The following TMEM132B variants were observed in gnomAD, a reference collection of about 807,000 sequenced individuals.
TMEM132B encodes transmembrane protein 132B.
Under a neutral mutation model 90.8 loss-of-function variants are expected in TMEM132B, and 18 were observed. The ratio of observed to expected loss-of-function variants is 0.20; its 90% confidence interval spans 0.14 to 0.29. TMEM132B has a LOEUF of 0.29. TMEM132B is among the 10% of genes least tolerant of loss of function. TMEM132B has a pLI of 1.00. For missense variants in TMEM132B, 1,096 were observed against 1,326.8 expected (o/e 0.83, Z 2.70); for synonymous variants, 504 against 523.3 (o/e 0.96, Z 0.50).
intron 2 of TMEM132B, among the ~76,000 whole-genome samples, chr12:125,357,118 T>C (rs962243152): frequency 1.3e-5 from 2 of 152,226 alleles, no homozygotes; most frequent in Admixed American, 6.5e-5. Context: ...TGTGAGGCAT[T>C]GTTCCCAGAT....
At chr12:125,607,682 T>C (rs534282070) in intron 5 of TMEM132B, among the ~76,000 whole-genome samples, 1 of 152,310 alleles carries the variant, frequency 6.6e-6, no homozygotes, top group South Asian at 2.1e-4. Flanking sequence ...TAAAGTCAGC[T>C]CTATTACCAC....
chr12:125,584,240 AGAATT>A, intron 5 of TMEM132B: 1 of 524,310 alleles, frequency 1.9e-6, no homozygotes, highest in Non-Finnish European at 3.4e-6. Flanking sequence ...TCCAGCAGAA[AGAATT>A]TATTCTCCTC....
At chr12:125,188,935 G>A (rs1302379860) in intron 1 of TMEM132B, among the ~76,000 whole-genome samples, 1 of 151,854 alleles carries the variant, frequency 6.6e-6, no homozygotes, top group African/African-American at 2.4e-5. Flanking sequence ...AGGTTCAGAG[G>A]AATTAACCAG....
rs141580198 is a variant in TMEM132B, at chr12:125,274,169, T to A, written c.68-75283T>A. Among the ~76,000 whole-genome samples, 738 of 152,292 alleles carry A rather than the reference T, an allele frequency of 4.8e-3. 3 individuals carry two copies. Among genetic ancestry groups the A allele is most frequent in the African/African-American group, 0.013 (551 of 41,552 alleles). ...GGTGTCCTTTGGTGCCGCCCCTCTTTCACTAAACATTGCATTTGGGAGACT... is the reference window on the plus strand; with the variant it reads ...GGTGTCCTTTGGTGCCGCCCCTCTTACACTAAACATTGCATTTGGGAGACT... On this transcript the variant is annotated intron_variant, in intron 1 of 8. Transcript: ENST00000682704.
chr12:125,470,583 C>A (rs1478291634), intron 3 of TMEM132B, among the ~76,000 whole-genome samples: 1 of 152,156 alleles, frequency 6.6e-6, no homozygotes, highest in African/African-American at 2.4e-5. Flanking sequence ...TCCACTAAAC[C>A]CAGTTTCTTT....
intron 4 of TMEM132B, among the ~76,000 whole-genome samples, chr12:125,566,698 A>T (rs773094018): frequency 6.6e-6 from 1 of 152,202 alleles, no homozygotes; most frequent in Admixed American, 6.5e-5. Context: ...TTGGAATGGC[A>T]GGTCCCACTG....
chr12:125,544,816 C>A (rs1284183007), intron 4 of TMEM132B, among the ~76,000 whole-genome samples: 2 of 152,102 alleles, frequency 1.3e-5, no homozygotes, highest in East Asian at 1.9e-4. Flanking sequence ...AAAAAAGTGA[C>A]CCTGAATGAA....
chr12:125,391,840 C>T (rs1202705918), intron 2 of TMEM132B, among the ~76,000 whole-genome samples: 1 of 152,084 alleles, frequency 6.6e-6, no homozygotes, highest in Non-Finnish European at 1.5e-5. Flanking sequence ...GATCTCAACT[C>T]ACTGCAGCCT....
rs146376506 is a variant in TMEM132B at position 125,630,442 on chromosome 12, C to A, written c.1438-13634C>A. ...ATTTATGTATAGTTGCTTATGGTAG[C>A]CACTAATAATCCTTTGAATATCTGC... On this transcript the variant is annotated intron_variant, in intron 5 of 8. Transcript: ENST00000682704. Among the ~76,000 whole-genome samples, 16 of 152,014 alleles carry A rather than the reference C, an allele frequency of 1.1e-4. No homozygotes were observed. In the East Asian group the frequency reaches 3.1e-3, roughly 29 times the overall value.
At position 125,554,689 on chromosome 12, in the gene TMEM132B, A is replaced by G. The variant is rs536371595; in HGVS notation, c.1294-29162A>G. Among the ~76,000 whole-genome samples, 18 of 152,216 alleles carry G rather than the reference A, an allele frequency of 1.2e-4. No individual in the cohort carries two copies. The South Asian group carries it at 3.7e-3, about 32-fold the overall frequency. On this transcript the variant is annotated intron_variant, in intron 4 of 8. Transcript: ENST00000682704. Reference sequence around the variant, plus strand: ...TGGAACTTTTCTTCCCCTCAGTTACAACCACTTTTCTCATTTATGTTGCTG... The same window carrying G: ...TGGAACTTTTCTTCCCCTCAGTTACGACCACTTTTCTCATTTATGTTGCTG...
chr12:125,530,112 A>G (rs1001725044), intron 4 of TMEM132B, among the ~76,000 whole-genome samples: 1 of 152,312 alleles, frequency 6.6e-6, no homozygotes, highest in Non-Finnish European at 1.5e-5. Context: ...AACAAATGGC[A>G]TTATGTTGAG....
chr12:125,415,582 G>C lies in TMEM132B; in HGVS notation c.1011G>C (p.Glu337Asp). Residue 337 changes from glutamate (E) to aspartate (D), a missense_variant, in exon 3 of 9, where the codon GAG becomes GAC. Transcript: ENST00000682704. This position sits in a 1 kb window ranked among gnomAD's most constrained non-coding sequence, Gnocchi z 5.3. The part of the protein sequence containing the change: ...VKITAVRVSS[E>D]DQWAVQEEID... Reference sequence around the variant, plus strand: ...TAACGGCAGTGAGAGTCAGCAGTGAGGACCAATGGGCAGTCCAGGAGGAAA... The same window carrying C: ...TAACGGCAGTGAGAGTCAGCAGTGACGACCAATGGGCAGTCCAGGAGGAAA... The C allele has an allele frequency of 6.2e-7, 1 of 1,614,210 alleles. No individual in the cohort carries two copies.
intron 2 of TMEM132B, among the ~76,000 whole-genome samples, chr12:125,381,819 G>T (rs766362970): frequency 6.6e-6 from 1 of 152,206 alleles, no homozygotes; most frequent in Non-Finnish European, 1.5e-5. Flanking sequence ...TGATCCACAG[G>T]TGATGTGCAT....
intron 5 of TMEM132B, among the ~76,000 whole-genome samples, chr12:125,598,703 T>G (rs1320849346): frequency 6.6e-6 from 1 of 152,232 alleles, no homozygotes; most frequent in East Asian, 1.9e-4. Context: ...GGGGTTGACA[T>G]GCAAACCTTA....
intron 4 of TMEM132B, among the ~76,000 whole-genome samples, chr12:125,535,158 A>G (rs1244606712): frequency 6.6e-6 from 1 of 152,210 alleles, no homozygotes; most frequent in East Asian, 1.9e-4. Context: ...TCTACTTAAT[A>G]TTAATTTGTT....
chr12:125,559,617 C>T (rs1884470670), intron 4 of TMEM132B, among the ~76,000 whole-genome samples: 1 of 152,114 alleles, frequency 6.6e-6, no homozygotes, highest in Non-Finnish European at 1.5e-5. Context: ...CTGCTGACCT[C>T]CCGGGGATGC....
chr12:125,575,879 G>T (rs1251451110), intron 4 of TMEM132B, among the ~76,000 whole-genome samples: 2 of 152,004 alleles, frequency 1.3e-5, no homozygotes, highest in Non-Finnish European at 2.9e-5. Flanking sequence ...GAAAATGAGA[G>T]AATTTATTTC....
At chr12:125,644,314 T>C (rs1283669290) in intron 6 of TMEM132B, 33 bp downstream of exon 6, 2 of 1,610,228 alleles carry the variant, frequency 1.2e-6, no homozygotes, top group African/African-American at 2.7e-5. Context: ...GTGGATCCGA[T>C]TGTCCTGGAG....
chr12:125,367,075 G>A (rs567085768), intron 2 of TMEM132B, among the ~76,000 whole-genome samples: 213 of 152,090 alleles, frequency 1.4e-3, no homozygotes, highest in African/African-American at 4.6e-3. Flanking sequence ...CATTAAGAGC[G>A]TATTTTCTTT....
Sources: allele counts gnomAD v4.1 joint callset (sites outside exome capture counted in the v4.1 genomes callset), GRCh38; gene constraint gnomAD v4.1.1; non-coding constraint Gnocchi (gnomAD v3.1); transcripts MANE v1.5; gene names NCBI Gene and HGNC (gene_info 2026-07-23, HGNC 2026-07-21).